The following CACNA1D variants were observed in gnomAD, a reference collection of about 807,000 sequenced individuals.
The protein encoded by CACNA1D is calcium voltage-gated channel subunit alpha1 D.
CACNA1D carries 55 observed loss-of-function variants against 257.1 expected under a neutral mutation model. The ratio of observed to expected loss-of-function variants is 0.21; its 90% CI spans 0.17 to 0.27. The LOEUF (loss-of-function observed/expected upper bound fraction) is 0.27. Among genes scored for constraint, CACNA1D ranks in the 10% least tolerant of loss-of-function variants. The pLI, the probability that CACNA1D is intolerant of heterozygous loss-of-function variation, is 1.00. For synonymous variants in CACNA1D, 980 were observed against 1,014.9 expected, an observed-to-expected ratio of 0.97 and a Z score of 0.65; for missense variants, 1,876 against 2,784.0, an observed-to-expected ratio of 0.67 and a Z score of 7.34.
At chr3:53,650,554 G>A (rs938512021) in intron 3 of CACNA1D, among the ~76,000 whole-genome samples, 11 of 152,366 alleles carry the variant, frequency 7.2e-5, no homozygotes, top group Admixed American at 4.6e-4. Context: ...AGCCTGGAAC[G>A]AAAAGTGTTG....
At chr3:53,764,985 C>T (rs2095324414) in intron 30 of CACNA1D, among the ~76,000 whole-genome samples, 1 of 152,228 alleles carries the variant, frequency 6.6e-6, no homozygotes, top group South Asian at 2.1e-4. Context: ...GCCAGCAGAA[C>T]ACCACCTTCA....
intron 3 of CACNA1D, among the ~76,000 whole-genome samples, chr3:53,643,526 G>A (rs983741597): frequency 1.3e-5 from 2 of 152,100 alleles, no homozygotes; most frequent in Non-Finnish European, 2.9e-5. Context: ...CGCTGCTCTC[G>A]GTTCTTGCTG....
intron 3 of CACNA1D, among the ~76,000 whole-genome samples, chr3:53,541,264 T>G (rs1435297697): frequency 6.6e-6 from 1 of 152,210 alleles, no homozygotes; most frequent in Non-Finnish European, 1.5e-5. Context: ...CAGCCTAAAT[T>G]AGGAGGTCTA....
chr3:53,751,697 C>T lies in CACNA1D; in HGVS notation c.3517-52C>T, dbSNP rs2095227829. The stretch of plus-strand genomic sequence containing the variant: ...TCAGAGCAGATGACCACGGGGTCCT[C>T]CTTCCCTGCAAGTGCTCAGAACCCC... On this transcript the variant is annotated intron_variant, in intron 27 of 47. Coordinates refer to ENST00000350061, the MANE Select transcript of CACNA1D (RefSeq NM_001128840.3). This position sits in a 1 kb window ranked among gnomAD's most constrained non-coding sequence, Gnocchi z 4.3. 18 of 1,599,968 alleles carry T rather than the reference C, an allele frequency of 1.1e-5. No individual in the cohort carries two copies. Among genetic ancestry groups the T allele is most frequent in the Non-Finnish European group, 1.5e-5 (17 of 1,167,478 alleles).
At chr3:53,667,851 G>GTGTC (rs1237572087) in intron 7 of CACNA1D, among the ~76,000 whole-genome samples, 5 of 151,936 alleles carry the variant, frequency 3.3e-5, no homozygotes, top group Non-Finnish European at 5.9e-5. Context: ...ATGTGTGTGT[G>GTGTC]TGTGTGTATG....
chr3:53,764,317 C>T (rs945060772), intron 30 of CACNA1D, among the ~76,000 whole-genome samples: 10 of 152,220 alleles, frequency 6.6e-5, no homozygotes, highest in South Asian at 2.1e-4. Flanking sequence ...CCTTAATCAT[C>T]TCACAACGCA....
At chr3:53,589,330 C>T (rs377090414) in intron 3 of CACNA1D, among the ~76,000 whole-genome samples, 1 of 152,070 alleles carries the variant, frequency 6.6e-6, no homozygotes, top group Non-Finnish European at 1.5e-5. Flanking sequence ...GTATGTGTCT[C>T]GCCTGGGGTG....
intron 11 of CACNA1D, among the ~76,000 whole-genome samples, chr3:53,720,486 A>G (rs2094871015): frequency 6.6e-6 from 1 of 152,224 alleles, no homozygotes; most frequent in Non-Finnish European, 1.5e-5. Flanking sequence ...ACTTGGAGAA[A>G]AATATTTGCA....
intron 3 of CACNA1D, among the ~76,000 whole-genome samples, chr3:53,640,440 G>A (rs193233231): frequency 5.3e-5 from 8 of 152,310 alleles, no homozygotes; most frequent in Admixed American, 5.2e-4. Flanking sequence ...GAGAAATGTA[G>A]CCCGAGATAA....
At position 53,760,875 on chromosome 3, in the gene CACNA1D, T is replaced by A. The variant is rs151204203; in HGVS notation, c.3787-1123T>A. On this transcript the variant is annotated intron_variant, in intron 29 of 47. Transcript: ENST00000350061. ...GACTGGGTTCAAGGCTCTGGCTAGA[T>A]AATGGGGTTAGGGAAGTTGGGGGAC... Among the ~76,000 whole-genome samples, 1,168 of 152,294 alleles carry A rather than the reference T, an allele frequency of 7.7e-3. 6 individuals are homozygous for A. Among genetic ancestry groups the A allele is most frequent in the Non-Finnish European group, 0.012 (793 of 68,026 alleles).
intron 8 of CACNA1D, among the ~76,000 whole-genome samples, chr3:53,694,507 G>T (rs2094556374): frequency 6.6e-6 from 1 of 152,190 alleles, no homozygotes; most frequent in Admixed American, 6.5e-5. Context: ...TTGGAGCCTG[G>T]TTAGTAACGC....
At chr3:53,667,611 A>G (rs2094280198) in intron 7 of CACNA1D, among the ~76,000 whole-genome samples, 1 of 152,236 alleles carries the variant, frequency 6.6e-6, no homozygotes. Context: ...AAAGAATGTA[A>G]CATATAATGG....
intron 3 of CACNA1D, among the ~76,000 whole-genome samples, chr3:53,613,856 A>G (rs2093608403): frequency 6.6e-6 from 1 of 152,130 alleles, no homozygotes; most frequent in African/African-American, 2.4e-5. Context: ...TGCTCTATCA[A>G]TCTGTATCTG....
intron 3 of CACNA1D, among the ~76,000 whole-genome samples, chr3:53,583,834 T>C (rs556812252): frequency 6.6e-6 from 1 of 152,308 alleles, no homozygotes; most frequent in Non-Finnish European, 1.5e-5. Context: ...ATGGTCTGTT[T>C]TATAACGTGG....
At position 53,725,361 on chromosome 3, in the gene CACNA1D, A is replaced by G. The variant is rs566902716; in HGVS notation, c.2100+1362A>G. Among the ~76,000 whole-genome samples, 155 of 152,274 alleles carry G rather than the reference A, an allele frequency of 1.0e-3. 1 individual carries two copies. The highest frequency in any genetic ancestry group is 0.01 in the Admixed American group (155 of 15,296). On this transcript the variant is annotated intron_variant, in intron 14 of 47. Transcript: ENST00000350061. The stretch of plus-strand genomic sequence containing the variant: ...TCATATGACCAGTCCCTTGCTGACA[A>G]GCATTGAGTTCTGTCTGGTCTTAGC...
At chr3:53,719,861 G>A in intron 11 of CACNA1D, 80 bp downstream of exon 11, 1 of 1,272,970 alleles carries the variant, frequency 7.9e-7, no homozygotes, top group Non-Finnish European at 1.2e-6. Context: ...ACGTAGTATT[G>A]CTCTGGACTT....
intron 20 of CACNA1D, among the ~76,000 whole-genome samples, chr3:53,738,517 C>A (rs2095081571): frequency 6.6e-6 from 1 of 152,132 alleles, no homozygotes; most frequent in Non-Finnish European, 1.5e-5. Flanking sequence ...TGGAAAAAAA[C>A]AGCATTAGGT....
In CACNA1D at chr3:53,811,703, T is replaced by C. The variant is rs2095601574; in HGVS notation, c.*297T>C. ...GACCTGCCCTGCCCCATTGTCCAGA[T>C]GGGCACTGCTGTGGAGTCTGCTTCT... On this transcript the variant is annotated 3_prime_UTR_variant, in exon 48 of 48. Coordinates refer to ENST00000350061, the MANE Select transcript of CACNA1D (RefSeq NM_001128840.3). The surrounding 1 kb of genome is among the most constrained non-coding windows in gnomAD (Gnocchi z 4.2). 3.6e-6 allele frequency: 1 copy of C among 281,386 alleles called. No homozygotes were observed. The allele number at this position is 281,386 out of a possible 1,614,324, so 17.4% of individuals were successfully genotyped here. A position where few individuals can be genotyped will look rare whatever the true frequency, so the allele number is the denominator to read the frequency against.
chr3:53,589,569 T>G (rs1246433960), intron 3 of CACNA1D, among the ~76,000 whole-genome samples: 1 of 152,192 alleles, frequency 6.6e-6, no homozygotes, highest in African/African-American at 2.4e-5. Flanking sequence ...AGATGTCCCC[T>G]GGTTCACTGA....
Sources: allele counts gnomAD v4.1 joint callset (sites outside exome capture counted in the v4.1 genomes callset), GRCh38; gene constraint gnomAD v4.1.1; non-coding constraint Gnocchi (gnomAD v3.1); transcripts MANE v1.5; gene names NCBI Gene and HGNC (gene_info 2026-07-23, HGNC 2026-07-21).